DDIT3: variants seen among roughly 807,000 people sequenced by gnomAD.
DDIT3 encodes the protein DNA damage inducible transcript 3, also known as DNA damage-inducible transcript 3 protein.
A neutral mutation model predicts 17.6 loss-of-function variants in DDIT3; 14 were observed. That is an observed-to-expected ratio of 0.80 (90% CI 0.53 to 1.25). The LOEUF (loss-of-function observed/expected upper bound fraction) is 1.25. Ranked by LOEUF, DDIT3 falls within the 50% of genes most tolerant of loss-of-function variation. DDIT3 has a pLI of 0.00. For synonymous variants in DDIT3, 93 were observed against 76.5 expected (o/e 1.22, Z -1.13); for missense variants, 216 against 202.7 (o/e 1.07, Z -0.40).
chr12:57,519,470 A>G (rs567263926), intron 1 of DDIT3, among the ~76,000 whole-genome samples: 2 of 152,294 alleles, frequency 1.3e-5, no homozygotes, highest in Admixed American at 1.3e-4. Context: ...TTAAGAATGA[A>G]TGGATAAACT....
Position 57,517,096 on chromosome 12 carries a change from T to C in DDIT3, c.223A>G (p.Ser75Gly). 2 of 1,614,148 alleles carry C rather than the reference T, an allele frequency of 1.2e-6. No individual in the cohort carries two copies. Among genetic ancestry groups the C allele is most frequent in the East Asian group, 2.2e-5 (1 of 44,890 alleles). The change falls in exon 4 of 4, where the codon AGC becomes GGC. Residue 75 changes from serine (S) to glycine (G), a missense_variant. Transcript: ENST00000346473. The part of the protein sequence containing the change: ...EEEPEPAEVT[S>G]TSQSPHSPDS... ...GGAGAGTGAGGGCTCTGGGAGGTGC[T>C]TGTGACCTCTGCTGGTTCTGGCTCC... is the stretch of plus-strand genomic sequence containing the variant.
Position 57,516,689 on chromosome 12 carries a change from T to C in DDIT3, c.*120A>G. 1 of 1,522,210 alleles carries C rather than the reference T, an allele frequency of 6.6e-7. No individual in the cohort carries two copies. The allele number at this position is 1,522,210 out of a possible 1,614,324, so 94.3% of individuals were successfully genotyped here. On this transcript the variant is annotated 3_prime_UTR_variant, in exon 4 of 4. Transcript: ENST00000346473. ...CTTTCCTTTTGTCTACTCCAAGCCT[T>C]CCCCCTGCGTATGTGGGATTGAGGG...
At chr12:57,519,965 A>G (rs562529643) in intron 1 of DDIT3, among the ~76,000 whole-genome samples, 8 of 152,368 alleles carry the variant, frequency 5.3e-5, no homozygotes, top group African/African-American at 1.4e-4. Context: ...CAAGGTGGCC[A>G]TGCTGACACC....
In DDIT3 at chr12:57,517,176, T is replaced by C. The variant is rs1877926361; in HGVS notation, c.143A>G (p.Glu48Gly). 6.2e-7 allele frequency: 1 copy of C among 1,606,798 alleles called. No individual in the cohort carries two copies. Among genetic ancestry groups the C allele is most frequent in the African/African-American group, 1.3e-5 (1 of 74,554 alleles). ...GTCAAGAGTGGTGAAGATTTTTGAT[T>C]CTTCCTTCAAGGAAATGAGGAAAGG... ...YVSPPGNEEE[E>G]SKIFTTLDPA... Residue 48 changes from glutamate to glycine, a missense_variant, in exon 4 of 4, where the codon GAA (glutamate) becomes GGA (glycine). Coordinates refer to ENST00000346473, the MANE Select transcript of DDIT3 (RefSeq NM_004083.6).
intron 1 of DDIT3, among the ~76,000 whole-genome samples, chr12:57,519,966 T>A (rs1878176070): frequency 6.6e-6 from 1 of 152,228 alleles, no homozygotes; most frequent in Non-Finnish European, 1.5e-5. Context: ...AAGGTGGCCA[T>A]GCTGACACCA....
intron 1 of DDIT3, among the ~76,000 whole-genome samples, chr12:57,517,980 C>T (rs1878004867): frequency 6.6e-6 from 1 of 152,110 alleles, no homozygotes; most frequent in Admixed American, 6.5e-5. Context: ...GCGCGTGCCA[C>T]CACGCCCAGC....
rs1366651236 is a variant in DDIT3 at position 57,517,192 on chromosome 12, T to C, written c.139-12A>G. 6.2e-7 allele frequency: 1 copy of C among 1,607,270 alleles called. No homozygotes were observed. Among genetic ancestry groups the C allele is most frequent in the East Asian group, 2.2e-5 (1 of 44,726 alleles). On this transcript the variant is annotated splice_polypyrimidine_tract_variant and intron_variant, in intron 3 of 3. Coordinates refer to ENST00000346473, the MANE Select transcript of DDIT3 (RefSeq NM_004083.6). Reference sequence around the variant, plus strand: ...ATTTTTGATTCTTCCTTCAAGGAAATGAGGAAAGGGAACATAGATATTAGT... The same window carrying C: ...ATTTTTGATTCTTCCTTCAAGGAAACGAGGAAAGGGAACATAGATATTAGT...
chr12:57,517,816 TTTTC>T, intron 1 of DDIT3, 63 bp from the exon 2 acceptor site: 1 of 426,598 alleles, frequency 2.3e-6, no homozygotes, highest in Non-Finnish European at 4.1e-6. Flanking sequence ...TTACTTTTCT[TTTTC>T]TTTTTTTCTT....
intron 1 of DDIT3, among the ~76,000 whole-genome samples, chr12:57,518,105 A>G (rs889719095): frequency 6.6e-6 from 1 of 151,948 alleles, no homozygotes; most frequent in East Asian, 1.9e-4. Flanking sequence ...GGCATGAGCT[A>G]CCGTGCTGGG....
chr12:57,517,617 G>A, intron 2 of DDIT3, 89 bp downstream of exon 2: 1 of 670,636 alleles, frequency 1.5e-6, no homozygotes, highest in South Asian at 1.8e-5. Flanking sequence ...GAGATGAAGA[G>A]TCACGCTAGA....
chr12:57,519,504 AG>A (rs1878131832), intron 1 of DDIT3, among the ~76,000 whole-genome samples: 1 of 152,232 alleles, frequency 6.6e-6, no homozygotes, highest in Non-Finnish European at 1.5e-5. Flanking sequence ...CTTATAGGGA[AG>A]GGGCAGAAGC....
At chr12:57,519,313 C>T (rs1878114619) in intron 1 of DDIT3, 1 of 446,458 alleles carries the variant, frequency 2.2e-6, no homozygotes, top group Non-Finnish European at 4.6e-6. Context: ...GAACATTCTC[C>T]ATTCCTTTCT....
chr12:57,516,648 A>T lies in DDIT3; in HGVS notation c.*161T>A, dbSNP rs946870956. 7.2e-6 allele frequency: 11 copies of T among 1,526,990 alleles called. No individual in the cohort carries two copies. Among genetic ancestry groups the T allele is most frequent in the Middle Eastern group, 3.5e-4 (2 of 5,636 alleles). The allele number at this position is 1,526,990 out of a possible 1,614,324, so 94.6% of individuals were successfully genotyped here. On this transcript the variant is annotated 3_prime_UTR_variant, in exon 4 of 4. Transcript: ENST00000346473. ...AGTAATAAATAAATGTACAATCTCT[A>T]TATACAAGCTGAGACCTTTCCTTTT... is the stretch of plus-strand genomic sequence containing the variant.
In DDIT3 at chr12:57,517,121, C is replaced by G; in HGVS notation, c.198G>C (p.Glu66Asp). 6.2e-7 allele frequency: 1 copy of G among 1,613,262 alleles called. No individual in the cohort carries two copies. Among genetic ancestry groups the G allele is most frequent in the Non-Finnish European group, 8.5e-7 (1 of 1,179,418 alleles). ...TTGTGACCTCTGCTGGTTCTGGCTC[C>G]TCCTCAGTCAGCCAAGCCAGAGAAG... is the stretch of plus-strand genomic sequence containing the variant. ...DPASLAWLTE[E>D]EPEPAEVTST... Residue 66 changes from glutamate to aspartate, a missense_variant, in exon 4 of 4, where the codon GAG becomes GAC. By Grantham distance (45) the Glu-to-Asp change is conservative. Coordinates refer to ENST00000346473, the MANE Select transcript of DDIT3 (RefSeq NM_004083.6).
At position 57,517,387 on chromosome 12, in the gene DDIT3, G is replaced by C. The variant is rs779074253; in HGVS notation, c.20C>G (p.Pro7Arg). The change falls in exon 3 of 4, where the codon CCT becomes CGT. Residue 7 changes from proline to arginine, a missense_variant. By Grantham distance (103) the Pro-to-Arg change is moderately radical. Coordinates refer to ENST00000346473, the MANE Select transcript of DDIT3 (RefSeq NM_004083.6). Reference sequence around the variant, plus strand: ...GCTGGACAGTGTCCCGAAGGAGAAAGGCAATGACTCAGCTGCCATCTCTGC... The same window carrying C: ...GCTGGACAGTGTCCCGAAGGAGAAACGCAATGACTCAGCTGCCATCTCTGC... MAAESLPFSFGTLSSWE... is the reference protein window; with the variant it reads MAAESLRFSFGTLSSWE... 1.9e-6 allele frequency: 3 copies of C among 1,611,102 alleles called. No individual in the cohort carries two copies. The South Asian group carries it at 3.3e-5, about 18-fold the overall frequency.
In DDIT3 at chr12:57,516,943, C is replaced by T; in HGVS notation, c.376G>A (p.Glu126Lys). The T allele has an allele frequency of 6.2e-7, 1 of 1,614,044 alleles. No homozygotes were observed. ...AGCTGTGCCACTTTCCTTTCATTCT[C>T]CTGTTCTTTCTCCTTCATGCGCTGC... is the stretch of plus-strand genomic sequence containing the variant. ...GKQRMKEKEQ[E>K]NERKVAQLAE... Residue 126 changes from glutamate (E) to lysine (K), a missense_variant, in exon 4 of 4, where the codon GAG becomes AAG. Glu to Lys is a moderately conservative substitution (Grantham distance 56). Coordinates refer to ENST00000346473, the MANE Select transcript of DDIT3 (RefSeq NM_004083.6).
rs1877980250 is a variant in DDIT3, at chr12:57,517,760, G to A, written c.-80-7C>T. On this transcript the variant is annotated splice_polypyrimidine_tract_variant and splice_region_variant and intron_variant, in intron 1 of 3. Transcript: ENST00000346473. Reference sequence around the variant, plus strand: ...TACACTTCCTTCTTGAACACTGTGGGCAACAAAGAGAAATGTCAGCCATTT... The same window carrying A: ...TACACTTCCTTCTTGAACACTGTGGACAACAAAGAGAAATGTCAGCCATTT... The A allele has an allele frequency of 2.3e-6, 1 of 438,166 alleles. No homozygotes were observed. Among genetic ancestry groups the A allele is most frequent in the Non-Finnish European group, 4.0e-6 (1 of 248,922 alleles). 27.1% of individuals were successfully genotyped at this position (438,166 alleles called of 1,614,324 possible). A position where few individuals can be genotyped will look rare whatever the true frequency, so the allele number is the denominator to read the frequency against.
At position 57,519,043 on chromosome 12, in the gene DDIT3, G is replaced by A. The variant is rs577992246; in HGVS notation, c.-80-1290C>T. 5.7e-6 allele frequency: 3 copies of A among 523,366 alleles called. No homozygotes were observed. The African/African-American group carries it at 5.8e-5, about 10-fold the overall frequency. The allele number at this position is 523,366 out of a possible 1,614,324, so 32.4% of individuals were successfully genotyped here. A position where few individuals can be genotyped will look rare whatever the true frequency, so the allele number is the denominator to read the frequency against. Reference sequence around the variant, plus strand: ...TTCTAATTCCATTGTTTCCAATCTAGATCAATTCACTACCATCTCTAAATT... The same window carrying A: ...TTCTAATTCCATTGTTTCCAATCTAAATCAATTCACTACCATCTCTAAATT... On this transcript the variant is annotated intron_variant, in intron 1 of 3. Coordinates refer to ENST00000346473, the MANE Select transcript of DDIT3 (RefSeq NM_004083.6).
In DDIT3 at chr12:57,520,487, C is replaced by G. The variant is rs538937263; in HGVS notation, c.-150G>C. 9.5e-5 allele frequency: 38 copies of G among 398,678 alleles called. No individual in the cohort carries two copies. The East Asian group carries it at 1.2e-3, about 13-fold the overall frequency. 24.7% of individuals were successfully genotyped at this position (398,678 alleles called of 1,614,324 possible). A position where few individuals can be genotyped will look rare whatever the true frequency, so the allele number is the denominator to read the frequency against. ...ACCCGCTCATCTTTAACATGATACG[C>G]TCAGTGCCTTAGACTTAAGTCTCTG... is the stretch of plus-strand genomic sequence containing the variant. On this transcript the variant is annotated 5_prime_UTR_variant, in exon 1 of 4. Transcript: ENST00000346473.
Sources: gnomAD v4.1 joint callset for allele counts (sites outside exome capture counted in the v4.1 genomes callset) on GRCh38, gnomAD v4.1.1 for gene constraint, MANE v1.5 for transcripts, NCBI Gene and HGNC (gene_info 2026-07-23, HGNC 2026-07-21) for gene names.